Variants in RAPGEF6 observed in about 807,000 individuals in gnomAD.
The protein encoded by RAPGEF6 is Rap guanine nucleotide exchange factor 6.
RAPGEF6 carries 56 observed loss-of-function variants against 171.4 expected under a neutral mutation model. The observed-to-expected ratio is 0.33, with a 90% confidence interval of 0.26 to 0.41. The LOEUF is 0.41. RAPGEF6 is among the 10% of genes least tolerant of loss of function. The probability of loss-of-function intolerance (pLI) is 1.00; values close to 1 mark genes in which losing one functional copy is unlikely to be tolerated. For missense variants in RAPGEF6, 1,674 were observed against 1,921.4 expected, an observed-to-expected ratio of 0.87 and a Z score of 2.41; for synonymous variants, 692 against 650.1, an observed-to-expected ratio of 1.06 and a Z score of -0.98.
At chr5:131,583,877 A>G (rs1329685621) in intron 4 of RAPGEF6, among the ~76,000 whole-genome samples, 2 of 152,228 alleles carry the variant, frequency 1.3e-5, no homozygotes, top group African/African-American at 4.8e-5. Flanking sequence ...ATTGATACAC[A>G]TAACACGGAT....
At chr5:131,618,458 C>G (rs967658242) in intron 1 of RAPGEF6, among the ~76,000 whole-genome samples, 2 of 151,854 alleles carry the variant, frequency 1.3e-5, no homozygotes, top group African/African-American at 4.8e-5. Flanking sequence ...CAGTGGAAAC[C>G]CCATCTCTAC....
At chr5:131,445,575 G>C (rs1350813346) in intron 22 of RAPGEF6, among the ~76,000 whole-genome samples, 1 of 151,514 alleles carries the variant, frequency 6.6e-6, no homozygotes, top group African/African-American at 2.4e-5. Context: ...GCGTGTGTCT[G>C]TGTGTGCGCG....
intron 6 of RAPGEF6, among the ~76,000 whole-genome samples, chr5:131,531,116 T>C (rs1313296384): frequency 6.6e-6 from 1 of 152,192 alleles, no homozygotes; most frequent in Non-Finnish European, 1.5e-5. Flanking sequence ...AGACATGCAG[T>C]GAGCTAGGCC....
chr5:131,467,095 T>G lies in RAPGEF6; in HGVS notation c.2240-2814A>C, dbSNP rs181846047. Among the ~76,000 whole-genome samples the G allele has an allele frequency of 2.7e-3, 411 of 152,308 alleles. 16 individuals carry two copies. Among genetic ancestry groups the G allele is most frequent in the Admixed American group, 0.024 (374 of 15,292 alleles). On this transcript the variant is annotated intron_variant, in intron 17 of 27. Transcript: ENST00000509018. Reference sequence around the variant, plus strand: ...TGTTCTGATACCTTTTATTACTTTCTTCAGAGAAATTTATTCACAAAGACA... The same window carrying G: ...TGTTCTGATACCTTTTATTACTTTCGTCAGAGAAATTTATTCACAAAGACA...
In RAPGEF6 at chr5:131,479,673, T is replaced by A; in HGVS notation, c.1921A>T (p.Asn641Tyr). 1 of 1,614,106 alleles carries A rather than the reference T, an allele frequency of 6.2e-7. No homozygotes were observed. Among genetic ancestry groups the A allele is most frequent in the Non-Finnish European group, 8.5e-7 (1 of 1,179,990 alleles). ...GGCACATGCTGGATAGAATGGCGATTACTTTTTTTTTCAGCAATTTTGGGA... is the reference window on the plus strand; with the variant it reads ...GGCACATGCTGGATAGAATGGCGATAACTTTTTTTTTCAGCAATTTTGGGA... The part of the protein sequence containing the change: ...HIPKIAEKKS[N>Y]RHSIQHVPGD... The change falls in exon 16 of 28, where the codon AAT (asparagine) becomes TAT (tyrosine). Residue 641 changes from asparagine (N) to tyrosine (Y), a missense_variant. Transcript: ENST00000509018.
intron 15 of RAPGEF6, among the ~76,000 whole-genome samples, chr5:131,489,000 CAT>C (rs929938332): frequency 1.3e-4 from 20 of 152,188 alleles, no homozygotes; most frequent in African/African-American, 4.8e-4. Context: ...TAAATATAAA[CAT>C]GATAAAAACA....
At chr5:131,446,413 T>A (rs1752692901) in intron 22 of RAPGEF6, 70 bp downstream of exon 22, 2 of 1,405,218 alleles carry the variant, frequency 1.4e-6, no homozygotes, top group Middle Eastern at 2.5e-4. Context: ...GACTTAGGTA[T>A]AATTCTAGAG....
At chr5:131,536,455 G>A (rs576274415) in intron 6 of RAPGEF6, among the ~76,000 whole-genome samples, 17 of 152,038 alleles carry the variant, frequency 1.1e-4, no homozygotes, top group Non-Finnish European at 1.3e-4. Flanking sequence ...GAGTACCAAC[G>A]CTCTTTTATT....
At chr5:131,488,300 T>C (rs769293862) in intron 15 of RAPGEF6, among the ~76,000 whole-genome samples, 5 of 152,204 alleles carry the variant, frequency 3.3e-5, no homozygotes, top group African/African-American at 9.7e-5. Context: ...TAATACCAGT[T>C]AGTAATCTTT....
intron 1 of RAPGEF6, among the ~76,000 whole-genome samples, chr5:131,619,272 C>T (rs768312603): frequency 2.0e-5 from 3 of 152,046 alleles, no homozygotes; most frequent in African/African-American, 4.8e-5. Flanking sequence ...AATGAGGATA[C>T]ATGGACACAT....
At chr5:131,434,007 AT>A (rs1273616328) in intron 24 of RAPGEF6, among the ~76,000 whole-genome samples, 1 of 152,128 alleles carries the variant, frequency 6.6e-6, no homozygotes, top group Non-Finnish European at 1.5e-5. Context: ...TAATAAGTAC[AT>A]GTCTTTAGGG....
intron 16 of RAPGEF6, among the ~76,000 whole-genome samples, chr5:131,475,133 G>A (rs150392898): frequency 7.0e-4 from 107 of 152,288 alleles, no homozygotes; most frequent in African/African-American, 1.8e-3. Context: ...TTACAAATTC[G>A]TAGTAATTAA....
At chr5:131,549,043 G>A (rs1233681578) in intron 5 of RAPGEF6, among the ~76,000 whole-genome samples, 2 of 151,658 alleles carry the variant, frequency 1.3e-5, no homozygotes, top group Non-Finnish European at 2.9e-5. Flanking sequence ...CAGCCTGGGC[G>A]ACAGGACAAA....
At chr5:131,634,502 A>G (rs1766510181) in intron 1 of RAPGEF6, among the ~76,000 whole-genome samples, 1 of 152,246 alleles carries the variant, frequency 6.6e-6, no homozygotes, top group Non-Finnish European at 1.5e-5. Context: ...GACTGGATGT[A>G]AACTTTTAAA....
chr5:131,554,043 AG>A (rs1361766139), intron 5 of RAPGEF6, among the ~76,000 whole-genome samples: 1 of 152,148 alleles, frequency 6.6e-6, no homozygotes. Context: ...CAAATTACAG[AG>A]AAAATATAAA....
chr5:131,574,393 G>A (rs1032884877), intron 4 of RAPGEF6, among the ~76,000 whole-genome samples: 2 of 152,076 alleles, frequency 1.3e-5, no homozygotes, highest in East Asian at 3.9e-4. Flanking sequence ...CCGAGCTTCG[G>A]GTAACTCTTA....
At chr5:131,481,476 C>G (rs1212178581) in intron 15 of RAPGEF6, among the ~76,000 whole-genome samples, 1 of 150,146 alleles carries the variant, frequency 6.7e-6, no homozygotes, top group Non-Finnish European at 1.5e-5. Context: ...GAGATCTGCC[C>G]GTCTCAGCCT....
At chr5:131,519,582 C>T (rs1435500269) in intron 7 of RAPGEF6, among the ~76,000 whole-genome samples, 1 of 151,962 alleles carries the variant, frequency 6.6e-6, no homozygotes, top group African/African-American at 2.4e-5. Context: ...TTGAATTTTT[C>T]GTAGAGACAG....
At chr5:131,608,020 A>T (rs1020323581) in intron 1 of RAPGEF6, among the ~76,000 whole-genome samples, 2 of 152,230 alleles carry the variant, frequency 1.3e-5, no homozygotes, top group African/African-American at 4.8e-5. Flanking sequence ...ACTAAGACTG[A>T]TTCTTCCCAT....
Sources: allele counts gnomAD v4.1 joint callset (sites outside exome capture counted in the v4.1 genomes callset), GRCh38; gene constraint gnomAD v4.1.1; transcripts MANE v1.5; gene names NCBI Gene and HGNC (gene_info 2026-07-23, HGNC 2026-07-21).